Variants in MTA3 observed in about 807,000 individuals in gnomAD.
MTA3 encodes the protein metastasis associated 1 family member 3, also known as metastasis-associated protein MTA3.
A neutral mutation model predicts 83.5 loss-of-function variants in MTA3; 34 were observed. That is an observed-to-expected ratio of 0.41 (90% confidence interval 0.31 to 0.54). The LOEUF (loss-of-function observed/expected upper bound fraction) is 0.54, where lower values mean the gene tolerates loss of function less well. Ranked by LOEUF, MTA3 falls within the 20% of genes least tolerant of loss-of-function variation. MTA3 has a pLI of 0.33. For synonymous variants in MTA3, 303 were observed against 252.7 expected (o/e 1.20, Z -1.89); for missense variants, 761 against 726.4 (o/e 1.05, Z -0.55).
intron 2 of MTA3, among the ~76,000 whole-genome samples, chr2:42,577,135 A>ATATATATATATATATATTTATAT (rs1558451263): frequency 1.1e-5 from 1 of 93,996 alleles, no homozygotes; most frequent in African/African-American, 4.7e-5. Context: ...TATATATATA[A>ATATATATATATATATATTTATAT]AAATGAACTC....
chr2:42,724,681 G>A (rs1306136470), intron 16 of MTA3, among the ~76,000 whole-genome samples: 1 of 152,016 alleles, frequency 6.6e-6, no homozygotes, highest in South Asian at 2.1e-4. Context: ...ACTGATGTTA[G>A]CATAGCAGCT....
chr2:42,542,716 T>C lies in MTA3; in HGVS notation c.-140-27721T>C, dbSNP rs551694044. Among the ~76,000 whole-genome samples, 11 of 151,836 alleles carry C rather than the reference T, an allele frequency of 7.2e-5. No individual in the cohort carries two copies. In the East Asian group the frequency reaches 1.6e-3, roughly 21 times the overall value. Reference sequence around the variant, plus strand: ...ACAGGTGCCTGCCACCTCACCCAGCTAATTTTTTTTTTGTATTTTTAGTAG... The same window carrying C: ...ACAGGTGCCTGCCACCTCACCCAGCCAATTTTTTTTTTGTATTTTTAGTAG... On this transcript the variant is annotated intron_variant, in intron 2 of 17. Coordinates refer to the MTA3 transcript ENST00000405592.
chr2:42,728,974 C>A (rs904731076), intron 16 of MTA3, among the ~76,000 whole-genome samples: 3 of 149,942 alleles, frequency 2.0e-5, no homozygotes, highest in African/African-American at 7.4e-5. Flanking sequence ...TCTAATTTGT[C>A]TATTTTTGCT....
chr2:42,575,050 C>G (rs1017264545), intron 2 of MTA3, among the ~76,000 whole-genome samples: 1 of 152,194 alleles, frequency 6.6e-6, no homozygotes, highest in Non-Finnish European at 1.5e-5. Context: ...AAATAGAAAT[C>G]TTGACCTATG....
chr2:42,504,675 T>C (rs1674548658), intron 2 of MTA3, among the ~76,000 whole-genome samples: 1 of 151,968 alleles, frequency 6.6e-6, no homozygotes, highest in Admixed American at 6.6e-5. Flanking sequence ...CTTTTTTTTT[T>C]TTGTAGAGAT....
At chr2:42,593,332 C>A (rs967553393) in intron 3 of MTA3, among the ~76,000 whole-genome samples, 2 of 112,380 alleles carry the variant, frequency 1.8e-5, no homozygotes, top group African/African-American at 7.4e-5. Context: ...GCCTGGGTGA[C>A]AGAGCGAGAC....
chr2:42,577,407 A>G (rs1679179709), intron 2 of MTA3, among the ~76,000 whole-genome samples: 1 of 151,866 alleles, frequency 6.6e-6, no homozygotes, highest in South Asian at 2.1e-4. Flanking sequence ...GAATTTAATT[A>G]GCTTTGTATA....
In MTA3 at chr2:42,616,655, T is replaced by C. The variant is rs1031825502; in HGVS notation, c.317+7071T>C. Among the ~76,000 whole-genome samples, 3 of 134,572 alleles carry C rather than the reference T, an allele frequency of 2.2e-5. No homozygotes were observed. The Admixed American group carries it at 2.6e-4, about 12-fold the overall frequency. 88.3% of individuals were successfully genotyped at this position (134,572 alleles called of 152,430 possible). ...ATGTAGTGGCACAATCATGGCTCAC[T>C]GCAGCCTCGTCCTCCCTGGCTGAGA... On this transcript the variant is annotated intron_variant, in intron 4 of 16. Coordinates refer to ENST00000405094, the MANE Select transcript of MTA3 (RefSeq NM_001330442.2).
chr2:42,692,040 C>T lies in MTA3; in HGVS notation c.892-3725C>T, dbSNP rs983733239. Among the ~76,000 whole-genome samples, 6 of 152,034 alleles carry T rather than the reference C, an allele frequency of 3.9e-5. No homozygotes were observed. The East Asian group carries it at 9.6e-4, about 24-fold the overall frequency. ...TTTGGGAAATTCCCTAATATTATCC[C>T]TTTGAATAATCTTCCTGCCCCTCTT... On this transcript the variant is annotated intron_variant, in intron 9 of 16. Transcript: ENST00000405094.
At chr2:42,582,782 A>G (rs1679819380) in intron 3 of MTA3, among the ~76,000 whole-genome samples, 2 of 152,196 alleles carry the variant, frequency 1.3e-5, no homozygotes, top group Non-Finnish European at 2.9e-5. Flanking sequence ...TAATTTATTC[A>G]TAATTGATTA....
Position 42,640,198 on chromosome 2 carries a change from A to C in MTA3, c.343A>C (p.Asn115His). 6.2e-7 allele frequency: 1 copy of C among 1,608,464 alleles called. No homozygotes were observed. The highest frequency in any genetic ancestry group is 8.5e-7 in the Non-Finnish European group (1 of 1,178,080). Residue 115 changes from asparagine to histidine, a missense_variant, in exon 5 of 17, where the codon AAT becomes CAT. Transcript: ENST00000405094. Reference sequence around the variant, plus strand: ...GGGAAAGTGCAGTGTTGCCCTTCTGAATGAGACAGAATCAGTATTGTCATA... The same window carrying C: ...GGGAAAGTGCAGTGTTGCCCTTCTGCATGAGACAGAATCAGTATTGTCATA... The part of the protein sequence containing the change: ...IRGKCSVALL[N>H]ETESVLSYLD...
intron 2 of MTA3, among the ~76,000 whole-genome samples, chr2:42,505,377 G>A (rs1487838670): frequency 4.6e-5 from 7 of 152,094 alleles, no homozygotes; most frequent in African/African-American, 1.7e-4. Flanking sequence ...AGGTGACAGA[G>A]TGAGACTTCA....
chr2:42,636,701 A>G (rs1377265083), intron 4 of MTA3, among the ~76,000 whole-genome samples: 1 of 136,838 alleles, frequency 7.3e-6, no homozygotes, highest in Non-Finnish European at 1.5e-5. Flanking sequence ...ATCTCGGCTC[A>G]CTGCAACCTC....
intron 2 of MTA3, among the ~76,000 whole-genome samples, chr2:42,543,269 C>G (rs1396026886): frequency 6.6e-6 from 1 of 151,928 alleles, no homozygotes; most frequent in Non-Finnish European, 1.5e-5. Context: ...ACTCTGCCTC[C>G]CTGGTTCAAG....
intron 6 of MTA3, among the ~76,000 whole-genome samples, chr2:42,647,103 G>T (rs1191299079): frequency 7.7e-6 from 1 of 129,312 alleles, no homozygotes; most frequent in Non-Finnish European, 1.5e-5. Context: ...GTTGCAGTGA[G>T]CCGAGATCGC....
At chr2:42,567,798 GT>G (rs1677988836), upstream of MTA3, among the ~76,000 whole-genome samples, 1 of 152,160 alleles carries the variant, frequency 6.6e-6, no homozygotes, top group Non-Finnish European at 1.5e-5. Context: ...AATCTCCTCT[GT>G]TTGGGGGTGG....
Position 42,663,821 on chromosome 2 carries a change from T to G in MTA3, c.702+3959T>G, listed in dbSNP as rs1003649196. The stretch of plus-strand genomic sequence containing the variant: ...CTTATGCTCCTTCTAGGAAGTTACC[T>G]TCACACCCTTCAGTGTTTTTTATCT... On this transcript the variant is annotated intron_variant, in intron 8 of 16. Transcript: ENST00000405094. Among the ~76,000 whole-genome samples, 7 of 152,332 alleles carry G rather than the reference T, an allele frequency of 4.6e-5. No homozygotes were observed. The East Asian group carries it at 7.7e-4, about 17-fold the overall frequency.
rs183975437 is a variant in MTA3, at chr2:42,506,722, A to G, written c.-141+11468A>G. 3.2e-3 allele frequency among the ~76,000 whole-genome samples: 482 copies of G among 151,644 alleles called. 5 individuals carry two copies. Among genetic ancestry groups the G allele is most frequent in the African/African-American group, 0.011 (451 of 41,368 alleles). The stretch of plus-strand genomic sequence containing the variant: ...AGTGGCATGATCTCGGCTCACTGCA[A>G]CCTCTGTCCCAAGTAGCTGGGACTA... On this transcript the variant is annotated intron_variant, in intron 2 of 17. Coordinates refer to the MTA3 transcript ENST00000405592.
intron 8 of MTA3, among the ~76,000 whole-genome samples, chr2:42,670,178 G>A (rs1297610066): frequency 2.0e-5 from 3 of 151,968 alleles, no homozygotes; most frequent in African/African-American, 7.2e-5. Context: ...AGAATCGCTT[G>A]AACCCAGGAG....
Sources: allele counts gnomAD v4.1 joint callset (sites outside exome capture counted in the v4.1 genomes callset), GRCh38; gene constraint gnomAD v4.1.1; transcripts MANE v1.5; gene names NCBI Gene and HGNC (gene_info 2026-07-23, HGNC 2026-07-21).